LGSN: variants seen among roughly 807,000 people sequenced by gnomAD.
The protein encoded by LGSN is lengsin.
LGSN carries 21 observed loss-of-function variants against 19.5 expected under a neutral mutation model. That is an observed-to-expected ratio of 1.07 (90% CI 0.76 to 1.55). The LOEUF (loss-of-function observed/expected upper bound fraction) is 1.55, where lower values mean the gene tolerates loss of function less well. LGSN is among the 40% of genes most tolerant of loss of function. LGSN has a pLI of 0.00. For synonymous variants in LGSN, 257 were observed against 215.6 expected, an observed-to-expected ratio of 1.19 and a Z score of -1.68; for missense variants, 673 against 608.5, an observed-to-expected ratio of 1.11 and a Z score of -1.12.
At chr6:63,519,146 A>G in the LGSN span, among the ~76,000 whole-genome samples, 1 of 152,084 alleles carries the variant, frequency 6.6e-6, no homozygotes, top group Non-Finnish European at 1.5e-5. Context: ...CATCTCTACT[A>G]AAATACAAAA....
chr6:63,512,044 C>T, the LGSN span, among the ~76,000 whole-genome samples: 1 of 151,646 alleles, frequency 6.6e-6, no homozygotes, highest in Non-Finnish European at 1.5e-5. Flanking sequence ...CTGGCTCAGT[C>T]GTCATTAAGG....
chr6:63,318,018 A>G (rs567953085), intron 1 of LGSN, among the ~76,000 whole-genome samples: 1 of 152,008 alleles, frequency 6.6e-6, no homozygotes, highest in South Asian at 2.1e-4. Flanking sequence ...TCATACACCC[A>G]TAGGATCTAC....
rs1425491766 is a variant in LGSN at position 63,276,396 on chromosome 6, C to T, written c.*3625G>A. 1 of 152,156 alleles carries T rather than the reference C, an allele frequency of 6.6e-6. No individual in the cohort carries two copies. Among genetic ancestry groups the T allele is most frequent in the Non-Finnish European group, 1.5e-5 (1 of 68,012 alleles). The allele number at this position is 152,156 out of a possible 1,614,324, so 9.4% of individuals were successfully genotyped here. On this transcript the variant is annotated 3_prime_UTR_variant, in exon 4 of 4. Transcript: ENST00000370657. ...AAAATAGAAACTTGTTACTACAATACTAATGTTTTAATTTCTAGTCTTAAA... is the reference window on the plus strand; with the variant it reads ...AAAATAGAAACTTGTTACTACAATATTAATGTTTTAATTTCTAGTCTTAAA...
chr6:63,374,187 A>G, the LGSN span, among the ~76,000 whole-genome samples: 1 of 152,128 alleles, frequency 6.6e-6, no homozygotes, highest in Non-Finnish European at 1.5e-5. Context: ...AAACACCAAT[A>G]TATATTACTT....
At chr6:63,421,273 T>C in the LGSN span, among the ~76,000 whole-genome samples, 3 of 151,518 alleles carry the variant, frequency 2.0e-5, no homozygotes, top group Non-Finnish European at 4.4e-5. Flanking sequence ...AATACAAAAA[T>C]TAGCCAGGCG....
the LGSN span, among the ~76,000 whole-genome samples, chr6:63,326,593 G>T: frequency 6.6e-6 from 1 of 152,132 alleles, no homozygotes; most frequent in African/African-American, 2.4e-5. Flanking sequence ...GAGCCCTCAG[G>T]CCCCACAGGA....
chr6:63,402,804 T>C, the LGSN span, among the ~76,000 whole-genome samples: 1 of 151,896 alleles, frequency 6.6e-6, no homozygotes, highest in Non-Finnish European at 1.5e-5. Flanking sequence ...TTTTTTAAGA[T>C]GAGATTAACA....
the LGSN span, among the ~76,000 whole-genome samples, chr6:63,456,327 A>G: frequency 2.9e-5 from 4 of 138,512 alleles, no homozygotes; most frequent in South Asian, 9.2e-4. Context: ...CCCAGGTTGC[A>G]GACCTCAAAC....
At chr6:63,282,196 T>C (rs1254053012) in intron 3 of LGSN, among the ~76,000 whole-genome samples, 3 of 152,228 alleles carry the variant, frequency 2.0e-5, no homozygotes, top group African/African-American at 7.2e-5. Context: ...CTGGAAATTA[T>C]GTATTAGAAA....
At chr6:63,486,139 C>A in the LGSN span, among the ~76,000 whole-genome samples, 1 of 152,108 alleles carries the variant, frequency 6.6e-6, no homozygotes, top group Admixed American at 6.6e-5. Flanking sequence ...CAATTATTGA[C>A]AAAACTAATA....
At chr6:63,551,286 G>C in the LGSN span, among the ~76,000 whole-genome samples, 1 of 151,572 alleles carries the variant, frequency 6.6e-6, no homozygotes, top group Admixed American at 6.6e-5. Flanking sequence ...GGCTGGTCTC[G>C]AATTCCTGAC....
chr6:63,354,001 C>T, the LGSN span, among the ~76,000 whole-genome samples: 91 of 152,082 alleles, frequency 6.0e-4, no homozygotes, highest in African/African-American at 1.4e-3. Flanking sequence ...CAACTCAAAA[C>T]GGATTAGACT....
At chr6:63,424,492 C>T in the LGSN span, among the ~76,000 whole-genome samples, 12 of 145,240 alleles carry the variant, frequency 8.3e-5, no homozygotes, top group African/African-American at 2.7e-5. Flanking sequence ...CTAGTATTGT[C>T]CTGAAACCAA....
At chr6:63,296,586 A>G (rs1767984982) in intron 1 of LGSN, among the ~76,000 whole-genome samples, 1 of 152,054 alleles carries the variant, frequency 6.6e-6, no homozygotes, top group South Asian at 2.1e-4. Flanking sequence ...CAATATGAGC[A>G]GACTAAATTT....
intron 1 of LGSN, among the ~76,000 whole-genome samples, chr6:63,317,349 T>C (rs1184526470): frequency 1.3e-5 from 2 of 152,164 alleles, no homozygotes; most frequent in African/African-American, 2.4e-5. Context: ...CTTTGCCCCA[T>C]GTCACACAGC....
At chr6:63,410,222 G>A in the LGSN span, among the ~76,000 whole-genome samples, 1 of 151,972 alleles carries the variant, frequency 6.6e-6, no homozygotes, top group Non-Finnish European at 1.5e-5. Context: ...CACATACAAA[G>A]TTTCATAATG....
intron 1 of LGSN, among the ~76,000 whole-genome samples, chr6:63,312,060 C>T (rs754533889): frequency 6.6e-6 from 1 of 152,154 alleles, no homozygotes; most frequent in Non-Finnish European, 1.5e-5. Context: ...TAACAAATGA[C>T]AGAAAATTTT....
chr6:63,402,938 A>C, the LGSN span, among the ~76,000 whole-genome samples: 1 of 152,178 alleles, frequency 6.6e-6, no homozygotes, highest in African/African-American at 2.4e-5. Context: ...TTTATTTCCA[A>C]ACTGCCTTCA....
chr6:63,569,012 T>C, the LGSN span, among the ~76,000 whole-genome samples: 1 of 152,230 alleles, frequency 6.6e-6, no homozygotes, highest in Non-Finnish European at 1.5e-5. Context: ...TAATCTATTA[T>C]GGCAATGATA....
Sources: allele counts gnomAD v4.1 joint callset (sites outside exome capture counted in the v4.1 genomes callset), GRCh38; gene constraint gnomAD v4.1.1; transcripts MANE v1.5; gene names NCBI Gene and HGNC (gene_info 2026-07-23, HGNC 2026-07-21).